The following CCDC180 variants were observed in gnomAD, a reference collection of about 807,000 sequenced individuals.
CCDC180 encodes the protein coiled-coil domain containing 180, also known as coiled-coil domain-containing protein 180.
In CCDC180, 154 loss-of-function variants were observed where a neutral mutation model predicts 209.2. The observed-to-expected ratio is 0.74, with a 90% CI of 0.65 to 0.84. The LOEUF (loss-of-function observed/expected upper bound fraction) is 0.84. Among genes scored for constraint, CCDC180 ranks in the 40% least tolerant of loss-of-function variants. The pLI is 0.00. For missense variants in CCDC180, 1,874 were observed against 1,997.3 expected (o/e 0.94, Z 1.18); for synonymous variants, 778 against 749.1 (o/e 1.04, Z -0.63).
chr9:97,345,644 A>C, intron 19 of CCDC180: 3 of 410,410 alleles, frequency 7.3e-6, no homozygotes, highest in Non-Finnish European at 1.4e-5. Context: ...CCAGCTACTC[A>C]AGAGGCTGAA....
At position 97,313,265 on chromosome 9, in the gene CCDC180, CA is replaced by C; in HGVS notation, c.382del (p.Arg128GlyfsTer40). 6.2e-7 allele frequency: 1 copy of C among 1,611,942 alleles called. No homozygotes were observed. The highest frequency in any genetic ancestry group is 8.5e-7 in the Non-Finnish European group (1 of 1,178,714). On this transcript the variant is annotated frameshift_variant, in exon 5 of 37. Coordinates refer to ENST00000529487, the MANE Select transcript of CCDC180 (RefSeq NM_020893.6). LOFTEE classifies it high-confidence loss of function. ...TGAGAAGATAAGCACCAGCACCTTT[CA>C]AAGGCAAGCAGAACACAAGAGGAAG... Reference protein sequence around the residue: ...VPEKISTSTFQRQAEHKRKSY... With the variant: ...VPEKISTSTFXRQAEHKRKSY...
chr9:97,332,433 G>A (rs891976018), intron 18 of CCDC180, among the ~76,000 whole-genome samples: 28 of 152,136 alleles, frequency 1.8e-4, no homozygotes, highest in African/African-American at 6.8e-4. Context: ...GATAGGAATA[G>A]CATCAAATCT....
At chr9:97,316,330 G>A (rs1275267227) in intron 8 of CCDC180, among the ~76,000 whole-genome samples, 1 of 152,218 alleles carries the variant, frequency 6.6e-6, no homozygotes, top group Non-Finnish European at 1.5e-5. Context: ...GTGCCACCCA[G>A]CTAGGAAGTA....
intron 12 of CCDC180, among the ~76,000 whole-genome samples, chr9:97,323,345 C>T (rs187344249): frequency 6.6e-6 from 1 of 152,278 alleles, no homozygotes; most frequent in Non-Finnish European, 1.5e-5. Flanking sequence ...CAATGCGCCC[C>T]CTTCATAGAT....
At chr9:97,349,344 T>A in intron 21 of CCDC180, 53 bp downstream of exon 21, 1 of 1,481,506 alleles carries the variant, frequency 6.7e-7, no homozygotes, top group Non-Finnish European at 9.0e-7. Context: ...GAATCCCAGT[T>A]CGGCTGCTGC....
Position 97,325,109 on chromosome 9 carries a change from C to T in CCDC180, c.1462C>T (p.His488Tyr), listed in dbSNP as rs993705934. The part of the protein sequence containing the change: ...FQEVVQLWEA[H>Y]QSELLVQELE... The stretch of plus-strand genomic sequence containing the variant: ...GGAGGTGGTACAACTGTGGGAGGCA[C>T]ACCAGAGCGAGCTGTTGGTGCAGGA... Residue 488 changes from histidine to tyrosine, a missense_variant, in exon 14 of 37, where the codon CAC (histidine) becomes TAC (tyrosine). Coordinates refer to ENST00000529487, the MANE Select transcript of CCDC180 (RefSeq NM_020893.6). The T allele has an allele frequency of 1.9e-6, 3 of 1,613,830 alleles. No homozygotes were observed. Among genetic ancestry groups the T allele is most frequent in the South Asian group, 2.2e-5 (2 of 90,948 alleles).
intron 28 of CCDC180, among the ~76,000 whole-genome samples, chr9:97,363,272 C>A (rs1037429721): frequency 1.1e-4 from 16 of 152,180 alleles, no homozygotes; most frequent in African/African-American, 3.9e-4. Flanking sequence ...TAATTAAGTC[C>A]TGGCCATTTG....
intron 19 of CCDC180, among the ~76,000 whole-genome samples, chr9:97,344,685 T>TA (rs748879471): frequency 2.6e-5 from 4 of 152,176 alleles, no homozygotes; most frequent in Non-Finnish European, 4.4e-5. Context: ...CACCAACCAC[T>TA]ATGCTATCTG....
intron 19 of CCDC180, among the ~76,000 whole-genome samples, chr9:97,346,617 A>G (rs1312837124): frequency 1.3e-5 from 2 of 151,918 alleles, no homozygotes; most frequent in Non-Finnish European, 2.9e-5. Context: ...GAAATTAAAT[A>G]CTCTTGGGGT....
rs1024156398 is a variant in CCDC180 at position 97,377,032 on chromosome 9, C to T, written c.*138C>T. ...TCTGTGCCGGGCACTGTAGCTTTAC[C>T]AGCGAACAGGACACAGCATGGTCCC... On this transcript the variant is annotated 3_prime_UTR_variant, in exon 37 of 37. Transcript: ENST00000529487. 1 of 975,530 alleles carries T rather than the reference C, an allele frequency of 1.0e-6. No individual in the cohort carries two copies. The highest frequency in any genetic ancestry group is 1.5e-6 in the Non-Finnish European group (1 of 687,146). The allele number at this position is 975,530 out of a possible 1,614,324, so 60.4% of individuals were successfully genotyped here.
chr9:97,357,420 G>T (rs1826613649), intron 24 of CCDC180, among the ~76,000 whole-genome samples: 1 of 152,126 alleles, frequency 6.6e-6, no homozygotes, highest in East Asian at 1.9e-4. Context: ...CACACTCTGG[G>T]GTGCCAATTT....
intron 18 of CCDC180, among the ~76,000 whole-genome samples, chr9:97,340,376 C>T (rs917826887): frequency 7.2e-5 from 11 of 151,906 alleles, no homozygotes; most frequent in Admixed American, 4.6e-4. Flanking sequence ...TGATTGTGGG[C>T]GGCAAGCCAC....
chr9:97,323,668 C>T, intron 12 of CCDC180, 113 bp from the exon 13 acceptor site: 2 of 1,288,050 alleles, frequency 1.6e-6, no homozygotes, highest in Non-Finnish European at 2.1e-6. Flanking sequence ...GTGCAGGGCC[C>T]TTCACCTGGA....
intron 26 of CCDC180, 74 bp from the exon 27 acceptor site, chr9:97,361,652 A>G: frequency 6.6e-7 from 1 of 1,506,430 alleles, no homozygotes. Flanking sequence ...GGGAGGGAAC[A>G]TGAATTCGGC....
At chr9:97,308,187 C>G (rs545711335) in intron 2 of CCDC180, 55 bp downstream of exon 2, 161 of 1,474,054 alleles carry the variant, frequency 1.1e-4, no homozygotes, top group Non-Finnish European at 1.4e-4. Context: ...TGCTTTCTTC[C>G]AAACTTCCCT....
At chr9:97,315,006 A>C in intron 8 of CCDC180, 60 bp downstream of exon 8, 1 of 1,315,136 alleles carries the variant, frequency 7.6e-7, no homozygotes, top group Non-Finnish European at 1.1e-6. Context: ...CCAGGAACCC[A>C]GGGCACCCCG....
intron 3 of CCDC180, among the ~76,000 whole-genome samples, chr9:97,311,523 C>T (rs549347809): frequency 5.3e-5 from 8 of 152,282 alleles, no homozygotes; most frequent in African/African-American, 1.7e-4. Flanking sequence ...GCTGATGTCA[C>T]GTCCACCCTG....
In CCDC180 at chr9:97,346,063, G is replaced by T. The variant is rs1211277524; in HGVS notation, c.2499-1251G>T. Among the ~76,000 whole-genome samples, 8 of 152,102 alleles carry T rather than the reference G, an allele frequency of 5.3e-5. No individual in the cohort carries two copies. The East Asian group carries it at 1.3e-3, about 26-fold the overall frequency. On this transcript the variant is annotated intron_variant, in intron 19 of 36. Coordinates refer to ENST00000529487, the MANE Select transcript of CCDC180 (RefSeq NM_020893.6). ...TTTTTGTTTACGGTGTGAAATAGGGGTCAAGATTCACTTCTTTCCCATACA... is the reference window on the plus strand; with the variant it reads ...TTTTTGTTTACGGTGTGAAATAGGGTTCAAGATTCACTTCTTTCCCATACA...
chr9:97,317,882 T>C (rs1833230676), intron 9 of CCDC180, among the ~76,000 whole-genome samples: 1 of 152,142 alleles, frequency 6.6e-6, no homozygotes, highest in Admixed American at 6.5e-5. Flanking sequence ...GTTTCAGTGA[T>C]CCAACCAGAT....
Sources: allele counts gnomAD v4.1 joint callset (sites outside exome capture counted in the v4.1 genomes callset), GRCh38; gene constraint gnomAD v4.1.1; transcripts MANE v1.5; gene names NCBI Gene and HGNC (gene_info 2026-07-23, HGNC 2026-07-21).